STUM: variants seen among roughly 807,000 people sequenced by gnomAD.
STUM encodes the protein stum, mechanosensory transduction mediator homolog.
A neutral mutation model predicts 15.3 loss-of-function variants in STUM; 8 were observed. The ratio of observed to expected loss-of-function variants is 0.52; its 90% CI spans 0.31 to 0.94. STUM has a LOEUF of 0.94. STUM is among the 40% of genes least tolerant of loss of function. STUM has a pLI of 0.05. For missense variants in STUM, 142 were observed against 204.9 expected (o/e 0.69, Z 1.87); for synonymous variants, 78 against 88.7 (o/e 0.88, Z 0.68).
At chr1:226,599,133 C>A (rs1668226839) in intron 2 of STUM, among the ~76,000 whole-genome samples, 1 of 152,188 alleles carries the variant, frequency 6.6e-6, no homozygotes, top group South Asian at 2.1e-4. Context: ...CATCTCCCAC[C>A]AGGTTCCTCC....
chr1:226,549,205 G>A lies in STUM; in HGVS notation c.202+99G>A. On this transcript the variant is annotated intron_variant, in intron 1 of 3. Transcript: ENST00000366788. This position sits in a 1 kb window ranked among gnomAD's most constrained non-coding sequence, Gnocchi z 6.8. Reference sequence around the variant, plus strand: ...GCCGGAGACCTCCTGGCGGGGCCGCGCGCTCCAAGTGCTGCGACCACGCGC... The same window carrying A: ...GCCGGAGACCTCCTGGCGGGGCCGCACGCTCCAAGTGCTGCGACCACGCGC... The A allele has an allele frequency of 9.2e-7, 1 of 1,086,538 alleles. No individual in the cohort carries two copies. Among genetic ancestry groups the A allele is most frequent in the Non-Finnish European group, 1.3e-6 (1 of 767,348 alleles). 67.3% of individuals were successfully genotyped at this position (1,086,538 alleles called of 1,614,324 possible).
chr1:226,590,080 G>C (rs1668061420), intron 1 of STUM, among the ~76,000 whole-genome samples: 1 of 115,566 alleles, frequency 8.7e-6, no homozygotes. Flanking sequence ...CTTTGCTTTG[G>C]ATCCCTTCCC....
chr1:226,604,413 C>T lies in STUM; in HGVS notation c.*2373C>T, dbSNP rs184925357. 2 of 152,246 alleles carry T rather than the reference C, an allele frequency of 1.3e-5. No homozygotes were observed. Among genetic ancestry groups the T allele is most frequent in the African/African-American group, 2.4e-5 (1 of 41,516 alleles). The allele number at this position is 152,246 out of a possible 1,614,324, so 9.4% of individuals were successfully genotyped here. On this transcript the variant is annotated 3_prime_UTR_variant, in exon 4 of 4. Transcript: ENST00000366788. The surrounding 1 kb of genome is among the most constrained non-coding windows in gnomAD (Gnocchi z 4.7). ...GTCTCTAAACCTGGGAAAACATCAG[C>T]CTCAGGAGGAGGCCCCTTTCCGGGT...
intron 1 of STUM, among the ~76,000 whole-genome samples, chr1:226,570,862 A>AT (rs771151069): frequency 1.3e-5 from 2 of 152,172 alleles, no homozygotes; most frequent in Non-Finnish European, 2.9e-5. Flanking sequence ...TTAAAAATGC[A>AT]TTTTTAATGC....
chr1:226,553,930 C>A (rs1178538004), intron 1 of STUM, among the ~76,000 whole-genome samples: 1 of 152,214 alleles, frequency 6.6e-6, no homozygotes, highest in East Asian at 1.9e-4. Flanking sequence ...AGAAGAGGAA[C>A]TGTGATAGAT....
At position 226,602,018 on chromosome 1, in the gene STUM, AG is replaced by A; in HGVS notation, c.407del (p.Gly136AlafsTer92). 6.2e-7 allele frequency: 1 copy of A among 1,609,054 alleles called. No homozygotes were observed. On this transcript the variant is annotated frameshift_variant, in exon 4 of 4. Coordinates refer to ENST00000366788, the MANE Select transcript of STUM (RefSeq NM_001003665.4). LOFTEE classifies it high-confidence loss of function. ...TTCTTCCTCACAGGCTACAAGGAGC[AG>A]GGCATCCCACAGCAGCTGTGAGCCC... Reference protein sequence around the residue: ...ILAISQGYKEQGIPQQL With the variant: ...ILAISQGYKEXGIPQQL
At chr1:226,584,810 G>A (rs982707522) in intron 1 of STUM, among the ~76,000 whole-genome samples, 1 of 152,222 alleles carries the variant, frequency 6.6e-6, no homozygotes, top group African/African-American at 2.4e-5. Flanking sequence ...CTTCTCTGCA[G>A]CTAGTGAGGA....
rs750906064 is a variant in STUM at position 226,596,995 on chromosome 1, G to T, written c.382+14G>T. The T allele has an allele frequency of 4.3e-6, 7 of 1,613,520 alleles. No individual in the cohort carries two copies. The highest frequency in any genetic ancestry group is 4.0e-5 in the African/African-American group (3 of 74,914). ...TCATCCTTGCCAGTGAGTAGCTGTT[G>T]GTGCTGCGCCTCCTGGGGGTGGGGA... On this transcript the variant is annotated intron_variant, in intron 2 of 3. Coordinates refer to ENST00000366788, the MANE Select transcript of STUM (RefSeq NM_001003665.4).
intron 1 of STUM, among the ~76,000 whole-genome samples, chr1:226,551,654 C>G (rs544943777): frequency 3.9e-5 from 6 of 152,374 alleles, no homozygotes; most frequent in South Asian, 4.1e-4. Context: ...TTTCAATTCA[C>G]TCATTCATTT....
chr1:226,583,791 G>A (rs947977665), intron 1 of STUM, among the ~76,000 whole-genome samples: 2 of 152,094 alleles, frequency 1.3e-5, no homozygotes, highest in Middle Eastern at 3.2e-3. Flanking sequence ...GGTGAGGCAG[G>A]GCTCTGGGAC....
rs1558280056 is a variant in STUM at position 226,567,848 on chromosome 1, A to G, written c.202+18742A>G. 6.6e-6 allele frequency among the ~76,000 whole-genome samples: 1 copy of G among 152,238 alleles called. No individual in the cohort carries two copies. ...TGAATCATATAGAATTATGAATCAT[A>G]AAGAATTATGAATTACTAGAAAGCT... On this transcript the variant is annotated intron_variant, in intron 1 of 3. Coordinates refer to ENST00000366788, the MANE Select transcript of STUM (RefSeq NM_001003665.4). The surrounding 1 kb of genome is among the most constrained non-coding windows in gnomAD (Gnocchi z 4.5).
chr1:226,601,158 G>A (rs1299328606), intron 3 of STUM, among the ~76,000 whole-genome samples: 1 of 151,416 alleles, frequency 6.6e-6, no homozygotes, highest in Non-Finnish European at 1.5e-5. Flanking sequence ...ACAGAGTCTT[G>A]CTGTGCCTCC....
At chr1:226,570,145 C>T (rs1235861186) in intron 1 of STUM, among the ~76,000 whole-genome samples, 1 of 152,154 alleles carries the variant, frequency 6.6e-6, no homozygotes, top group Non-Finnish European at 1.5e-5. Context: ...CCTTTCTGCT[C>T]AGGGCTGTCA....
chr1:226,570,762 A>C (rs1342675241), intron 1 of STUM, among the ~76,000 whole-genome samples: 2 of 152,148 alleles, frequency 1.3e-5, no homozygotes, highest in Non-Finnish European at 2.9e-5. Context: ...TAGAGACCTA[A>C]ATCCAGAGGT....
intron 1 of STUM, among the ~76,000 whole-genome samples, chr1:226,583,743 C>G (rs1667952256): frequency 6.6e-6 from 1 of 152,168 alleles, no homozygotes; most frequent in South Asian, 2.1e-4. Context: ...CAGTGTTACC[C>G]TAACAGATTC....
chr1:226,596,939 A>G lies in STUM; in HGVS notation c.340A>G (p.Ile114Val). 6.2e-7 allele frequency: 1 copy of G among 1,614,198 alleles called. No individual in the cohort carries two copies. The highest frequency in any genetic ancestry group is 8.5e-7 in the Non-Finnish European group (1 of 1,180,028). Residue 114 changes from isoleucine (I) to valine (V), a missense_variant, in exon 2 of 4, where the codon ATC becomes GTC. Physicochemically the swap from Ile to Val is conservative, Grantham distance 29. This residue lies in a region of STUM where 29 missense variants were observed against 70.5 expected (regional missense o/e 0.41). Coordinates refer to ENST00000366788, the MANE Select transcript of STUM (RefSeq NM_001003665.4). ...CACTGCCATCGTCATGGTGGGCTGGATCATGAGCATCTTCTGGGGCATGGA... is the reference window on the plus strand; with the variant it reads ...CACTGCCATCGTCATGGTGGGCTGGGTCATGAGCATCTTCTGGGGCATGGA... Reference protein sequence around the residue: ...ILTAIVMVGWIMSIFWGMDMV... With the variant: ...ILTAIVMVGWVMSIFWGMDMV...
At chr1:226,571,237 A>T (rs1185889093) in intron 1 of STUM, among the ~76,000 whole-genome samples, 1 of 152,156 alleles carries the variant, frequency 6.6e-6, no homozygotes, top group Non-Finnish European at 1.5e-5. Flanking sequence ...TGTCTCAAAA[A>T]CAAAACAAAA....
chr1:226,558,655 A>T (rs1395344981), intron 1 of STUM, among the ~76,000 whole-genome samples: 1 of 152,182 alleles, frequency 6.6e-6, no homozygotes, highest in Admixed American at 6.5e-5. Context: ...GGGGAACATC[A>T]AAGTGTGGAC....
In STUM at chr1:226,603,159, G is replaced by T. The variant is rs1164289975; in HGVS notation, c.*1119G>T. On this transcript the variant is annotated 3_prime_UTR_variant, in exon 4 of 4. Transcript: ENST00000366788. ...AGAATTGCAAGAACAATTGTATGGG[G>T]TTGTGGACCTTGATCTGAAAATCCT... The T allele has an allele frequency of 6.6e-6, 1 of 152,226 alleles. No individual in the cohort carries two copies. The highest frequency in any genetic ancestry group is 1.5e-5 in the Non-Finnish European group (1 of 68,048). 9.4% of individuals were successfully genotyped at this position (152,226 alleles called of 1,614,324 possible).
Sources: gnomAD v4.1 joint callset for allele counts (sites outside exome capture counted in the v4.1 genomes callset) on GRCh38, gnomAD v4.1.1 for gene constraint, gnomAD v4.1.1 regional missense constraint, Gnocchi (gnomAD v3.1) non-coding constraint, MANE v1.5 for transcripts, NCBI Gene and HGNC (gene_info 2026-07-23, HGNC 2026-07-21) for gene names.